Variants in CYTH1 observed in about 807,000 individuals in gnomAD.
The protein encoded by CYTH1 is cytohesin-1.
Under a neutral mutation model 61.8 loss-of-function variants are expected in CYTH1, and 18 were observed. That is an observed-to-expected ratio of 0.29 (90% CI 0.20 to 0.43). The LOEUF (loss-of-function observed/expected upper bound fraction) is 0.43, where lower values mean the gene tolerates loss of function less well. Ranked by LOEUF, CYTH1 falls within the 20% of genes least tolerant of loss-of-function variation. The pLI is 1.00. For synonymous variants in CYTH1, 174 were observed against 184.3 expected (o/e 0.94, Z 0.45); for missense variants, 336 against 510.5 (o/e 0.66, Z 3.29).
At chr17:78,720,468 G>A (rs113119824) in intron 1 of CYTH1, among the ~76,000 whole-genome samples, 1,634 of 152,304 alleles carry the variant, frequency 0.011, 27 homozygotes, top group African/African-American at 0.038. Flanking sequence ...ACAGGTGCCT[G>A]CCACCACGCC....
At chr17:78,709,623 G>A in intron 2 of CYTH1, 27 bp downstream of exon 2, 9 of 1,612,248 alleles carry the variant, frequency 5.6e-6, no homozygotes, top group Non-Finnish European at 6.8e-6. Context: ...TTCTTACGTT[G>A]GTGAAACCAC....
chr17:78,742,555 G>T (rs1315926605), intron 1 of CYTH1, among the ~76,000 whole-genome samples: 2 of 152,016 alleles, frequency 1.3e-5, no homozygotes, highest in Non-Finnish European at 2.9e-5. Context: ...GTGAGACCCT[G>T]TCTCAAAAAT....
intron 1 of CYTH1, among the ~76,000 whole-genome samples, chr17:78,711,046 A>C (rs2031762300): frequency 6.6e-6 from 1 of 152,026 alleles, no homozygotes; most frequent in Non-Finnish European, 1.5e-5. Context: ...GCAGATCACG[A>C]GGTCAGGAGA....
At chr17:78,738,273 C>T (rs1375833514) in intron 1 of CYTH1, among the ~76,000 whole-genome samples, 1 of 152,184 alleles carries the variant, frequency 6.6e-6, no homozygotes. Flanking sequence ...GTGTCCTCGC[C>T]ATCCCCAGAT....
chr17:78,780,448 A>G (rs1310291841), intron 1 of CYTH1, among the ~76,000 whole-genome samples: 1 of 152,232 alleles, frequency 6.6e-6, no homozygotes, highest in African/African-American at 2.4e-5. Flanking sequence ...CCAAGGAAGC[A>G]GAGCGTGCAG....
rs1288349121 is a variant in CYTH1 at position 78,700,585 on chromosome 17, C to T, written c.438-142G>A. 7.8e-6 allele frequency: 5 copies of T among 643,310 alleles called. No individual in the cohort carries two copies. Among genetic ancestry groups the T allele is most frequent in the South Asian group, 2.1e-5 (1 of 47,914 alleles). 39.9% of individuals were successfully genotyped at this position (643,310 alleles called of 1,614,324 possible). A position where few individuals can be genotyped will look rare whatever the true frequency, so the allele number is the denominator to read the frequency against. On this transcript the variant is annotated intron_variant, in intron 6 of 13. Coordinates refer to ENST00000446868, the MANE Select transcript of CYTH1 (RefSeq NM_004762.6). The surrounding 1 kb of genome is among the most constrained non-coding windows in gnomAD (Gnocchi z 5.1). ...TGTCACCCAGGCTGGAGTGCAGTGG[C>T]GTGATCTTGGCTCACTGCAACCTCT...
In CYTH1 at chr17:78,713,371, T is replaced by C. The variant is rs116680352; in HGVS notation, c.23-3639A>G. 3.2e-3 allele frequency among the ~76,000 whole-genome samples: 481 copies of C among 152,262 alleles called. 1 individual carries two copies. The highest frequency in any genetic ancestry group is 0.011 in the African/African-American group (442 of 41,536). The stretch of plus-strand genomic sequence containing the variant: ...ACATGGTTTTGAAATTAAGGCAACA[T>C]TCATTTTTTAAAAACAGCTGCTCCG... On this transcript the variant is annotated intron_variant, in intron 1 of 13. Transcript: ENST00000446868.
At chr17:78,774,202 C>A (rs2093482599) in intron 1 of CYTH1, among the ~76,000 whole-genome samples, 1 of 152,156 alleles carries the variant, frequency 6.6e-6, no homozygotes, top group African/African-American at 2.4e-5. Flanking sequence ...ATCAAGAATT[C>A]TAAAAATGTT....
intron 8 of CYTH1, 23 bp from the exon 9 acceptor site, chr17:78,698,403 A>G (rs2092969558): frequency 1.3e-6 from 2 of 1,544,090 alleles, no homozygotes; most frequent in African/African-American, 1.4e-5. Context: ...ATGACAATTT[A>G]TGTCTCTGAT....
intron 13 of CYTH1, among the ~76,000 whole-genome samples, chr17:78,678,888 CAG>C (rs1371057457): frequency 6.6e-6 from 1 of 152,258 alleles, no homozygotes; most frequent in Admixed American, 6.5e-5. Flanking sequence ...CTCAGAGAGA[CAG>C]AGCGAGGAGT....
intron 13 of CYTH1, among the ~76,000 whole-genome samples, chr17:78,679,282 G>C (rs2092732714): frequency 6.6e-6 from 1 of 152,216 alleles, no homozygotes; most frequent in Non-Finnish European, 1.5e-5. Flanking sequence ...GTCTTTCTCA[G>C]GAAAACAGCT....
At chr17:78,724,148 G>A (rs1021238588) in intron 1 of CYTH1, 9 of 152,332 alleles carry the variant, frequency 5.9e-5, no homozygotes, top group East Asian at 3.9e-4. Context: ...GATAATACAA[G>A]ATGGCTGGTG....
At chr17:78,748,057 T>A (rs1444943103) in intron 1 of CYTH1, among the ~76,000 whole-genome samples, 2 of 152,254 alleles carry the variant, frequency 1.3e-5, no homozygotes, top group Non-Finnish European at 2.9e-5. Context: ...CAATATTTTC[T>A]ACTTTTCTGA....
intron 4 of CYTH1, 51 bp downstream of exon 4, chr17:78,702,487 A>G: frequency 1.3e-6 from 2 of 1,589,720 alleles, no homozygotes; most frequent in Non-Finnish European, 1.7e-6. Flanking sequence ...TCTGAGCACT[A>G]TAAAAAAACC....
chr17:78,766,626 A>C (rs184893260), intron 1 of CYTH1, among the ~76,000 whole-genome samples: 1 of 152,358 alleles, frequency 6.6e-6, no homozygotes, highest in African/African-American at 2.4e-5. Flanking sequence ...AAATGTGTTT[A>C]ATAACCAGCA....
chr17:78,727,787 T>C (rs913458660), intron 1 of CYTH1: 10 of 462,696 alleles, frequency 2.2e-5, no homozygotes, highest in African/African-American at 2.0e-4. Context: ...ATGAGGCTGC[T>C]CTTGGACCGT....
intron 1 of CYTH1, among the ~76,000 whole-genome samples, chr17:78,715,492 T>A (rs2093173220): frequency 6.6e-6 from 1 of 151,840 alleles, no homozygotes; most frequent in African/African-American, 2.4e-5. Context: ...CCAGACCGGG[T>A]CAGAGCAGGA....
chr17:78,699,768 T>C (rs1171964390), intron 7 of CYTH1, among the ~76,000 whole-genome samples: 1 of 152,210 alleles, frequency 6.6e-6, no homozygotes, highest in Non-Finnish European at 1.5e-5. Context: ...ATAAAAATTC[T>C]TTGTAACAAT....
At chr17:78,712,837 C>G (rs1257006099) in intron 1 of CYTH1, among the ~76,000 whole-genome samples, 1 of 152,014 alleles carries the variant, frequency 6.6e-6, no homozygotes, top group African/African-American at 2.4e-5. Flanking sequence ...CCCAGGTCAC[C>G]TTCACAAGAG....
Sources: gnomAD v4.1 joint callset for allele counts (sites outside exome capture counted in the v4.1 genomes callset) on GRCh38, gnomAD v4.1.1 for gene constraint, Gnocchi (gnomAD v3.1) non-coding constraint, MANE v1.5 for transcripts, NCBI Gene and HGNC (gene_info 2026-07-23, HGNC 2026-07-21) for gene names.